SGCD: variants seen among roughly 807,000 people sequenced by gnomAD.
The protein encoded by SGCD is sarcoglycan delta.
In SGCD, 18 loss-of-function variants were observed where a neutral mutation model predicts 36.6. The observed-to-expected ratio is 0.49, with a 90% CI of 0.34 to 0.73. The LOEUF is 0.73. Among genes scored for constraint, SGCD ranks in the 30% least tolerant of loss-of-function variants. The pLI is 0.01. For missense variants in SGCD, 387 were observed against 346.7 expected (o/e 1.12, Z -0.92); for synonymous variants, 133 against 130.6 (o/e 1.02, Z -0.12).
intron 1 of SGCD, among the ~76,000 whole-genome samples, chr5:155,946,651 GTT>G (rs1757443363): frequency 2.0e-5 from 3 of 152,260 alleles, no homozygotes; most frequent in Admixed American, 2.0e-4. Flanking sequence ...AAACAACACA[GTT>G]TCAGTAGTTC....
At chr5:155,873,470 T>C (rs1755702499) in intron 1 of SGCD, among the ~76,000 whole-genome samples, 2 of 152,086 alleles carry the variant, frequency 1.3e-5, no homozygotes, top group African/African-American at 2.4e-5. Flanking sequence ...GTCAGATAAA[T>C]AATGTGTACA....
At chr5:156,681,955 C>T (rs920256782) in intron 7 of SGCD, among the ~76,000 whole-genome samples, 1 of 152,084 alleles carries the variant, frequency 6.6e-6, no homozygotes, top group African/African-American at 2.4e-5. Flanking sequence ...TCTCAGCAGG[C>T]GTTTATTTAA....
chr5:156,068,567 G>C (rs868676694), intron 1 of SGCD, among the ~76,000 whole-genome samples: 1 of 151,738 alleles, frequency 6.6e-6, no homozygotes, highest in Non-Finnish European at 1.5e-5. Context: ...ATTGTGAATA[G>C]TGCCGCAGTA....
chr5:155,748,985 C>T, the SGCD span, among the ~76,000 whole-genome samples: 1 of 152,030 alleles, frequency 6.6e-6, no homozygotes, highest in African/African-American at 2.4e-5. Context: ...TCAGGTAATG[C>T]TAGGAGTTAA....
chr5:156,297,038 TA>T (rs1766914997), intron 3 of SGCD, among the ~76,000 whole-genome samples: 2 of 151,462 alleles, frequency 1.3e-5, no homozygotes, highest in South Asian at 4.1e-4. Context: ...TAAATATATA[TA>T]TATATATGGG....
At chr5:156,560,902 C>T (rs776920479) in intron 4 of SGCD, among the ~76,000 whole-genome samples, 2 of 152,074 alleles carry the variant, frequency 1.3e-5, no homozygotes, top group Non-Finnish European at 2.9e-5. Flanking sequence ...AAGTCAGTAA[C>T]TATTGACGAC....
At chr5:156,470,199 A>T (rs1162923128) in intron 3 of SGCD, among the ~76,000 whole-genome samples, 1 of 152,232 alleles carries the variant, frequency 6.6e-6, no homozygotes, top group Non-Finnish European at 1.5e-5. Context: ...ACATTTATAT[A>T]TAAAAATACT....
At chr5:156,038,755 G>C (rs1759559786) in intron 1 of SGCD, among the ~76,000 whole-genome samples, 3 of 152,070 alleles carry the variant, frequency 2.0e-5, no homozygotes, top group African/African-American at 7.2e-5. Context: ...TTTCTTCCTT[G>C]GGGATCTTTG....
chr5:156,647,226 TG>T (rs1296922983), intron 6 of SGCD, among the ~76,000 whole-genome samples: 1 of 152,208 alleles, frequency 6.6e-6, no homozygotes, highest in East Asian at 1.9e-4. Flanking sequence ...ATTTGCCTCA[TG>T]GCCTCACTCT....
intron 7 of SGCD, among the ~76,000 whole-genome samples, chr5:156,700,260 G>A (rs78503215): frequency 0.018 from 2,744 of 152,182 alleles, 33 homozygotes; most frequent in Non-Finnish European, 0.029. Flanking sequence ...ACATGTCTTC[G>A]GTCTGTTCTC....
chr5:156,484,632 G>A (rs181539106), intron 3 of SGCD, among the ~76,000 whole-genome samples: 164 of 152,238 alleles, frequency 1.1e-3, no homozygotes, highest in Non-Finnish European at 1.8e-3. Flanking sequence ...ACTCGGAAAT[G>A]GCTTTTTTGT....
chr5:156,362,830 C>G (rs1340205584), intron 3 of SGCD, among the ~76,000 whole-genome samples: 3 of 152,038 alleles, frequency 2.0e-5, no homozygotes, highest in Non-Finnish European at 4.4e-5. Flanking sequence ...AAATGGACTC[C>G]ACTATCTAAT....
chr5:156,595,771 T>A (rs1760903897), intron 6 of SGCD, among the ~76,000 whole-genome samples: 1 of 152,190 alleles, frequency 6.6e-6, no homozygotes, highest in South Asian at 2.1e-4. Context: ...TTTGGAAGGG[T>A]TTAGGTTCAT....
At chr5:156,004,222 T>C (rs1238963491) in intron 1 of SGCD, among the ~76,000 whole-genome samples, 4 of 152,166 alleles carry the variant, frequency 2.6e-5, no homozygotes, top group Non-Finnish European at 5.9e-5. Context: ...TATACAAATA[T>C]GTATAATTCT....
intron 1 of SGCD, among the ~76,000 whole-genome samples, chr5:155,938,898 G>T (rs1323972225): frequency 1.3e-5 from 2 of 152,088 alleles, no homozygotes; most frequent in Admixed American, 1.3e-4. Context: ...GTCAAAGTTG[G>T]GATTTAAACA....
intron 2 of SGCD, among the ~76,000 whole-genome samples, chr5:156,340,524 A>G (rs1460563203): frequency 6.6e-6 from 1 of 152,368 alleles, no homozygotes; most frequent in South Asian, 2.1e-4. Context: ...CATTCAAACT[A>G]TAGGAACCAC....
chr5:155,948,126 A>C (rs531517374), intron 1 of SGCD, among the ~76,000 whole-genome samples: 21 of 152,154 alleles, frequency 1.4e-4, no homozygotes, highest in African/African-American at 4.8e-4. Flanking sequence ...AAATACAAAA[A>C]AATAGCCAGT....
At chr5:155,951,614 T>G (rs115000458) in intron 1 of SGCD, among the ~76,000 whole-genome samples, 259 of 152,210 alleles carry the variant, frequency 1.7e-3, no homozygotes, top group African/African-American at 5.9e-3. Flanking sequence ...AGATGTAAAT[T>G]TATAATATGT....
chr5:155,836,349 A>G, the SGCD span, among the ~76,000 whole-genome samples: 11 of 152,208 alleles, frequency 7.2e-5, no homozygotes, highest in Admixed American at 3.9e-4. Flanking sequence ...CTGCTGGTCT[A>G]TCGAAGAGCA....
Sources: allele counts gnomAD v4.1 joint callset (sites outside exome capture counted in the v4.1 genomes callset), GRCh38; gene constraint gnomAD v4.1.1; transcripts MANE v1.5; gene names NCBI Gene and HGNC (gene_info 2026-07-23, HGNC 2026-07-21).